Variants in GMDS observed in about 807,000 individuals in gnomAD.
GMDS encodes the protein GDP-mannose 4,6-dehydratase.
GMDS carries 20 observed loss-of-function variants against 49.9 expected under a neutral mutation model. That is an observed-to-expected ratio of 0.40 (90% confidence interval 0.28 to 0.58). The LOEUF (loss-of-function observed/expected upper bound fraction) is 0.58. Ranked by LOEUF, GMDS falls within the 20% of genes least tolerant of loss-of-function variation. GMDS has a pLI of 0.42. For synonymous variants in GMDS, 177 were observed against 178.6 expected, an observed-to-expected ratio of 0.99 and a Z score of 0.07; for missense variants, 362 against 481.4, an observed-to-expected ratio of 0.75 and a Z score of 2.32.
Position 2,038,400 on chromosome 6 carries a change from G to C in GMDS, c.345+77371C>G, listed in dbSNP as rs539108426. On this transcript the variant is annotated intron_variant, in intron 4 of 10. Coordinates refer to ENST00000380815, the MANE Select transcript of GMDS (RefSeq NM_001500.4). ...AGAAAAGCCGCGCTCAAGAATGAAT[G>C]CAGGCTTGTTTTGAGGGAGCTTATG... Among the ~76,000 whole-genome samples, 22 of 152,290 alleles carry C rather than the reference G, an allele frequency of 1.4e-4. 2 individuals carry two copies. In the South Asian group the frequency reaches 4.6e-3, roughly 32 times the overall value.
chr6:2,217,465 GTTTAAC>G (rs1391837422), intron 1 of GMDS, among the ~76,000 whole-genome samples: 84 of 152,240 alleles, frequency 5.5e-4, no homozygotes, highest in Middle Eastern at 3.4e-3. Flanking sequence ...GTGGTTTGTT[GTTTAAC>G]TTTAAGGGAG....
intron 7 of GMDS, among the ~76,000 whole-genome samples, chr6:1,767,505 T>C (rs1277263382): frequency 6.6e-6 from 1 of 152,234 alleles, no homozygotes; most frequent in African/African-American, 2.4e-5. Flanking sequence ...AATGTGCTAT[T>C]GGTGGCCCTC....
chr6:1,894,215 T>C (rs1019734062), intron 7 of GMDS, among the ~76,000 whole-genome samples: 4 of 152,212 alleles, frequency 2.6e-5, no homozygotes, highest in Admixed American at 6.5e-5. Flanking sequence ...CTTTAATTGA[T>C]TGCAATAATA....
At chr6:2,200,910 C>T (rs1408609528) in intron 1 of GMDS, among the ~76,000 whole-genome samples, 1 of 141,488 alleles carries the variant, frequency 7.1e-6, no homozygotes, top group African/African-American at 2.7e-5. Flanking sequence ...CGAAATGTAA[C>T]CATCTAGGCA....
chr6:2,062,052 T>C (rs1771214127), intron 4 of GMDS, among the ~76,000 whole-genome samples: 1 of 152,170 alleles, frequency 6.6e-6, no homozygotes, highest in Non-Finnish European at 1.5e-5. Context: ...AACTATATGT[T>C]AATCATTCAC....
chr6:1,886,344 C>G (rs1759605276), intron 7 of GMDS, among the ~76,000 whole-genome samples: 1 of 152,104 alleles, frequency 6.6e-6, no homozygotes, highest in African/African-American at 2.4e-5. Context: ...AAATTTTATT[C>G]TGTGATAAAT....
intron 1 of GMDS, among the ~76,000 whole-genome samples, chr6:2,244,510 A>G (rs537976462): frequency 6.6e-5 from 10 of 152,292 alleles, no homozygotes; most frequent in Admixed American, 6.5e-4. Context: ...AATCTAAAAC[A>G]GCACAGCTTG....
At chr6:2,141,970 T>C (rs925781758) in intron 1 of GMDS, among the ~76,000 whole-genome samples, 2 of 151,910 alleles carry the variant, frequency 1.3e-5, no homozygotes, top group East Asian at 3.9e-4. Flanking sequence ...ATAGCATACA[T>C]TTTGGTTCCA....
intron 7 of GMDS, among the ~76,000 whole-genome samples, chr6:1,759,356 T>A (rs1270596676): frequency 6.6e-6 from 1 of 152,218 alleles, no homozygotes; most frequent in African/African-American, 2.4e-5. Flanking sequence ...GATTAAATGG[T>A]TCACCTGAAG....
chr6:1,978,184 G>A (rs1349711049), intron 4 of GMDS, among the ~76,000 whole-genome samples: 2 of 152,112 alleles, frequency 1.3e-5, no homozygotes, highest in East Asian at 3.9e-4. Context: ...AACGAGGAAG[G>A]GTCCCCCCAG....
intron 4 of GMDS, among the ~76,000 whole-genome samples, chr6:2,000,550 C>G (rs924030673): frequency 6.6e-6 from 1 of 152,198 alleles, no homozygotes; most frequent in Non-Finnish European, 1.5e-5. Context: ...TAAGCTACCT[C>G]TTTCGATTAG....
chr6:1,708,811 C>G (rs1245896596), intron 9 of GMDS, among the ~76,000 whole-genome samples: 2 of 152,210 alleles, frequency 1.3e-5, no homozygotes, highest in African/African-American at 4.8e-5. Context: ...TACGCTGCAT[C>G]TCACAGCTTT....
intron 4 of GMDS, among the ~76,000 whole-genome samples, chr6:1,997,194 A>T (rs1018922404): frequency 6.6e-6 from 1 of 152,102 alleles, no homozygotes; most frequent in Non-Finnish European, 1.5e-5. Flanking sequence ...AATAGGTCTC[A>T]GTTATTGATG....
intron 4 of GMDS, among the ~76,000 whole-genome samples, chr6:2,033,825 G>A (rs1769117479): frequency 6.6e-6 from 1 of 152,174 alleles, no homozygotes; most frequent in Non-Finnish European, 1.5e-5. Context: ...GTAGCTCTAA[G>A]ATGGAGGTGT....
intron 1 of GMDS, among the ~76,000 whole-genome samples, chr6:2,173,696 T>C (rs1290659954): frequency 6.6e-6 from 1 of 152,222 alleles, no homozygotes; most frequent in East Asian, 1.9e-4. Flanking sequence ...GTAGTTCTGA[T>C]AATCAAGAGT....
chr6:2,093,197 TATTGA>T (rs1773417541), intron 4 of GMDS, among the ~76,000 whole-genome samples: 1 of 152,190 alleles, frequency 6.6e-6, no homozygotes, highest in Non-Finnish European at 1.5e-5. Context: ...AAGCCATTCT[TATTGA>T]GTTTTGAGAA....
chr6:1,826,501 G>T (rs1383197070), intron 7 of GMDS, among the ~76,000 whole-genome samples: 2 of 152,200 alleles, frequency 1.3e-5, no homozygotes, highest in East Asian at 3.8e-4. Flanking sequence ...TTGTAGGTGT[G>T]CATTATTTGG....
At chr6:2,056,370 T>C (rs983427443) in intron 4 of GMDS, among the ~76,000 whole-genome samples, 8 of 152,212 alleles carry the variant, frequency 5.3e-5, no homozygotes, top group African/African-American at 1.9e-4. Context: ...TATTAGCCAC[T>C]GCACATGTAA....
At chr6:1,974,393 T>C (rs977924655) in intron 4 of GMDS, among the ~76,000 whole-genome samples, 8 of 150,908 alleles carry the variant, frequency 5.3e-5, no homozygotes, top group African/African-American at 9.8e-5. Context: ...CAGAGTGGGG[T>C]TCAAGCACAG....
Sources: gnomAD v4.1 joint callset for allele counts (sites outside exome capture counted in the v4.1 genomes callset) on GRCh38, gnomAD v4.1.1 for gene constraint, MANE v1.5 for transcripts, NCBI Gene and HGNC (gene_info 2026-07-23, HGNC 2026-07-21) for gene names.